SRPK2: variants seen among roughly 807,000 people sequenced by gnomAD.
The protein encoded by SRPK2 is SRSF protein kinase 2.
In SRPK2, 21 loss-of-function variants were observed where a neutral mutation model predicts 90.8. That is an observed-to-expected ratio of 0.23 (90% confidence interval 0.16 to 0.33). The LOEUF (loss-of-function observed/expected upper bound fraction) is 0.33, where lower values mean the gene tolerates loss of function less well. SRPK2 is among the 10% of genes least tolerant of loss of function. The pLI, the probability that SRPK2 is intolerant of heterozygous loss-of-function variation, is 1.00. For synonymous variants in SRPK2, 288 were observed against 311.1 expected (o/e 0.93, Z 0.78); for missense variants, 620 against 869.0 (o/e 0.71, Z 3.60).
At chr7:105,240,132 G>A (rs1240734776) in intron 2 of SRPK2, among the ~76,000 whole-genome samples, 2 of 152,130 alleles carry the variant, frequency 1.3e-5, no homozygotes, top group Admixed American at 6.5e-5. Context: ...TCAATGTGCC[G>A]ACAGACTGAT....
At chr7:105,144,477 G>C (rs1207877506) in intron 9 of SRPK2, among the ~76,000 whole-genome samples, 1 of 152,010 alleles carries the variant, frequency 6.6e-6, no homozygotes, top group African/African-American at 2.4e-5. Context: ...CTGACTTCAA[G>C]TGATCTAGTG....
chr7:105,142,936 A>G (rs527546703), intron 10 of SRPK2, 148 bp downstream of exon 10: 2 of 1,035,606 alleles, frequency 1.9e-6, no homozygotes, highest in African/African-American at 1.6e-5. Context: ...GTACGAGGCT[A>G]TTTCCCATAT....
chr7:105,211,086 C>T (rs1796795811), intron 2 of SRPK2, among the ~76,000 whole-genome samples: 2 of 152,166 alleles, frequency 1.3e-5, no homozygotes, highest in Non-Finnish European at 2.9e-5. Flanking sequence ...GATTTCTGTC[C>T]TACAAAACTG....
At chr7:105,394,219 C>G (rs559222394), upstream of SRPK2, among the ~76,000 whole-genome samples, 1 of 151,242 alleles carries the variant, frequency 6.6e-6, no homozygotes, top group East Asian at 1.9e-4. Flanking sequence ...TTCGGCTCAC[C>G]GCAACCTCTG....
chr7:105,389,024 AC>A, upstream of SRPK2: 1 of 923,914 alleles, frequency 1.1e-6, no homozygotes, highest in Non-Finnish European at 1.2e-6. Context: ...GGGGGTCGGG[AC>A]CCCAGCGCCG....
chr7:105,305,751 T>A (rs1811076518), intron 2 of SRPK2, among the ~76,000 whole-genome samples: 1 of 152,206 alleles, frequency 6.6e-6, no homozygotes. Flanking sequence ...AGTTTACCTA[T>A]GCATGCAATG....
At chr7:105,119,871 G>A (rs1800079801) in intron 15 of SRPK2, among the ~76,000 whole-genome samples, 1 of 152,176 alleles carries the variant, frequency 6.6e-6, no homozygotes, top group Non-Finnish European at 1.5e-5. Context: ...TAGTAAAATG[G>A]TGGTTAAAAG....
intron 2 of SRPK2, among the ~76,000 whole-genome samples, chr7:105,220,896 G>A (rs1798016137): frequency 6.6e-6 from 1 of 152,150 alleles, no homozygotes; most frequent in Non-Finnish European, 1.5e-5. Flanking sequence ...CTTTCAAAAA[G>A]TGGGGTCAGG....
In SRPK2 at chr7:105,242,425, T is replaced by C. The variant is rs2299321; in HGVS notation, c.72-38640A>G. 1.9e-3 allele frequency among the ~76,000 whole-genome samples: 286 copies of C among 152,086 alleles called. 1 individual carries two copies. The highest frequency in any genetic ancestry group is 6.0e-3 in the African/African-American group (248 of 41,476). Reference sequence around the variant, plus strand: ...TACTCGGGAGGCTGAGGCAGGAGAATTGCTTGAACCTGGGAGGCAGAGGTT... The same window carrying C: ...TACTCGGGAGGCTGAGGCAGGAGAACTGCTTGAACCTGGGAGGCAGAGGTT... On this transcript the variant is annotated intron_variant, in intron 2 of 15. Coordinates refer to ENST00000393651, the MANE Select transcript of SRPK2 (RefSeq NM_182692.3).
At chr7:105,328,998 T>C (rs1046916089) in intron 2 of SRPK2, among the ~76,000 whole-genome samples, 5 of 151,758 alleles carry the variant, frequency 3.3e-5, no homozygotes, top group African/African-American at 7.3e-5. Flanking sequence ...CTGGGCAACA[T>C]AGCGAAACCC....
At chr7:105,272,977 G>C (rs1331694320) in intron 2 of SRPK2, among the ~76,000 whole-genome samples, 1 of 152,110 alleles carries the variant, frequency 6.6e-6, no homozygotes, top group Non-Finnish European at 1.5e-5. Context: ...CACCTTGGGA[G>C]GCTGAGGTAG....
At chr7:105,369,682 T>C (rs1819488256) in intron 2 of SRPK2, among the ~76,000 whole-genome samples, 1 of 151,972 alleles carries the variant, frequency 6.6e-6, no homozygotes, top group Admixed American at 6.6e-5. Flanking sequence ...CAAAAAACTA[T>C]CAATAGGATA....
At chr7:105,227,297 T>TA (rs1238963582) in intron 2 of SRPK2, among the ~76,000 whole-genome samples, 1 of 152,216 alleles carries the variant, frequency 6.6e-6, no homozygotes, top group Non-Finnish European at 1.5e-5. Context: ...CCAAGCAGTA[T>TA]ATGTTGCACC....
At chr7:105,115,648 T>C (rs1799576713), downstream of SRPK2, 1 of 152,204 alleles carries the variant, frequency 6.6e-6, no homozygotes, top group Non-Finnish European at 1.5e-5. Flanking sequence ...ATATTATGCC[T>C]AATACAAATG....
At chr7:105,190,617 TG>T (rs778583453) in intron 3 of SRPK2, among the ~76,000 whole-genome samples, 2 of 152,202 alleles carry the variant, frequency 1.3e-5, no homozygotes, top group Non-Finnish European at 2.9e-5. Context: ...TCACAGAGTT[TG>T]GGGGTCCCAA....
intron 2 of SRPK2, among the ~76,000 whole-genome samples, chr7:105,341,394 C>T (rs1815774869): frequency 7.1e-6 from 1 of 141,606 alleles, no homozygotes; most frequent in African/African-American, 2.8e-5. Context: ...GGGAATGTGG[C>T]AGGACGCATA....
chr7:105,195,995 T>TA (rs1794870561), intron 3 of SRPK2, among the ~76,000 whole-genome samples: 1 of 152,204 alleles, frequency 6.6e-6, no homozygotes, highest in Non-Finnish European at 1.5e-5. Flanking sequence ...TGCCCTGTAG[T>TA]AAAGTACAAC....
chr7:105,184,325 A>G (rs1337314115), intron 3 of SRPK2, among the ~76,000 whole-genome samples: 3 of 152,148 alleles, frequency 2.0e-5, no homozygotes, highest in Admixed American at 1.3e-4. Context: ...AATGCCAGAC[A>G]CAGCTATTTC....
chr7:105,127,933 ATCAC>A (rs1304348146), intron 13 of SRPK2, among the ~76,000 whole-genome samples: 1 of 152,202 alleles, frequency 6.6e-6, no homozygotes, highest in Non-Finnish European at 1.5e-5. Context: ...CAGAGGCCCA[ATCAC>A]TGATGCCTGT....
Sources: allele counts gnomAD v4.1 joint callset (sites outside exome capture counted in the v4.1 genomes callset), GRCh38; gene constraint gnomAD v4.1.1; transcripts MANE v1.5; gene names NCBI Gene and HGNC (gene_info 2026-07-23, HGNC 2026-07-21).